The following MRTFA variants were observed in gnomAD, a reference collection of about 807,000 sequenced individuals.
The protein encoded by MRTFA is myocardin related transcription factor A.
Under a neutral mutation model 83.5 loss-of-function variants are expected in MRTFA, and 20 were observed. The observed-to-expected ratio is 0.24, with a 90% CI of 0.17 to 0.35. The LOEUF (loss-of-function observed/expected upper bound fraction) is 0.35. MRTFA is among the 10% of genes least tolerant of loss of function. MRTFA has a pLI of 1.00. For synonymous variants in MRTFA, 659 were observed against 541.2 expected, an observed-to-expected ratio of 1.22 and a Z score of -3.02; for missense variants, 1,200 against 1,224.7, an observed-to-expected ratio of 0.98 and a Z score of 0.30.
chr22:40,486,481 G>A (rs894158029), intron 3 of MRTFA, among the ~76,000 whole-genome samples: 8 of 152,116 alleles, frequency 5.3e-5, no homozygotes, highest in Admixed American at 3.3e-4. Flanking sequence ...TGAATAGCTT[G>A]CTTCTTTTCT....
intron 4 of MRTFA, among the ~76,000 whole-genome samples, chr22:40,452,839 C>G (rs1406438387): frequency 6.6e-6 from 1 of 150,768 alleles, no homozygotes. Context: ...ATGACGACTA[C>G]TTTTTATGGC....
chr22:40,412,004 T>TG, intron 14 of MRTFA, 97 bp from the exon 15 acceptor site: 1 of 1,081,116 alleles, frequency 9.2e-7, no homozygotes, highest in African/African-American at 1.6e-5. Context: ...TCACACCATT[T>TG]ACAAAAATAA....
At chr22:40,588,880 G>A (rs1011670455) in intron 2 of MRTFA, among the ~76,000 whole-genome samples, 19 of 152,280 alleles carry the variant, frequency 1.2e-4, no homozygotes, top group Middle Eastern at 6.8e-3. Context: ...TACCGAGGAG[G>A]CTGAGGCAGG....
chr22:40,480,001 C>CA (rs1298282699), intron 3 of MRTFA, among the ~76,000 whole-genome samples: 1 of 152,074 alleles, frequency 6.6e-6, no homozygotes, highest in African/African-American at 2.4e-5. Context: ...TTAAAATATG[C>CA]AAGTGAAAGG....
At position 40,421,031 on chromosome 22, in the gene MRTFA, C is replaced by G. The variant is rs1290972534; in HGVS notation, c.997G>C (p.Val333Leu). The change falls in exon 10 of 15, where the codon GTG (valine) becomes CTG (leucine). Residue 333 changes from valine (V) to leucine (L), a missense_variant. Val to Leu is a conservative substitution (Grantham distance 32). Transcript: ENST00000355630. ...TACTGGTGGTACTTGAGCTTCTTCA[C>G]CTTTGGCTTCAGCTCCTTGGCCTTC... 6.3e-7 allele frequency: 1 copy of G among 1,582,288 alleles called. No individual in the cohort carries two copies. The highest frequency in any genetic ancestry group is 1.3e-5 in the African/African-American group (1 of 74,294).
chr22:40,464,309 G>GAAAAAAAAAAAAAAAAAAAAAAAAAAA (rs398040500), intron 3 of MRTFA, among the ~76,000 whole-genome samples: 2 of 56,262 alleles, frequency 3.6e-5, no homozygotes, highest in Non-Finnish European at 6.1e-5. Context: ...GCTGTCTCAG[G>GAAAAAAAAAAAAAAAAAAAAAAAAAAA]AAAAAAAAAA....
chr22:40,592,664 G>T (rs1274846229), intron 2 of MRTFA, among the ~76,000 whole-genome samples: 1 of 151,392 alleles, frequency 6.6e-6, no homozygotes, highest in Non-Finnish European at 1.5e-5. Flanking sequence ...AATTTTTTTT[G>T]GTGTTTTTTG....
intron 1 of MRTFA, among the ~76,000 whole-genome samples, chr22:40,606,572 T>G (rs988375174): frequency 6.6e-6 from 1 of 152,218 alleles, no homozygotes; most frequent in Non-Finnish European, 1.5e-5. Flanking sequence ...GACAAATGTT[T>G]AAACAAAGAT....
chr22:40,527,000 G>A (rs747125122), intron 3 of MRTFA, among the ~76,000 whole-genome samples: 1 of 151,768 alleles, frequency 6.6e-6, no homozygotes. Flanking sequence ...AGCGGTACAC[G>A]CCTGTGGTCC....
At chr22:40,496,491 A>G (rs937038684) in intron 3 of MRTFA, among the ~76,000 whole-genome samples, 1 of 150,186 alleles carries the variant, frequency 6.7e-6, no homozygotes, top group African/African-American at 2.5e-5. Flanking sequence ...CTGTCTTTAT[A>G]ATAAGCCAAA....
intron 2 of MRTFA, among the ~76,000 whole-genome samples, chr22:40,592,075 T>G (rs1400405786): frequency 6.6e-6 from 1 of 152,000 alleles, no homozygotes; most frequent in Non-Finnish European, 1.5e-5. Flanking sequence ...GTATCTCCCA[T>G]GAGAGAAGAA....
Position 40,411,487 on chromosome 22 carries a change from A to G in MRTFA, c.2999T>C (p.Leu1000Pro). ...TGTGGTGCTGAGGGGGGCTAGGCTC[A>G]GCACGGGACCACCTGACGACAGCTC... Residue 1000 changes from leucine (L) to proline (P), a missense_variant, in exon 15 of 15, where the codon CTG becomes CCG. By Grantham distance (98) the Leu-to-Pro change is moderately conservative. Around this residue, in one of 2 missense-constraint regions of MRTFA, gnomAD observed 1,107 missense variants for 1,041.8 expected, o/e 1.06. Coordinates refer to ENST00000355630, the MANE Select transcript of MRTFA (RefSeq NM_020831.6). The G allele has an allele frequency of 6.2e-7, 1 of 1,610,042 alleles. No homozygotes were observed. The highest frequency in any genetic ancestry group is 2.2e-5 in the East Asian group (1 of 44,720).
At chr22:40,551,907 T>C (rs1441352800) in intron 3 of MRTFA, among the ~76,000 whole-genome samples, 199 bp downstream of exon 3, 2 of 152,074 alleles carry the variant, frequency 1.3e-5, no homozygotes, top group Non-Finnish European at 2.9e-5. Context: ...GCAGAGAAAT[T>C]AGAAAGAAAT....
At chr22:40,455,803 AGTATGTAT>A (rs3044520) in intron 4 of MRTFA, among the ~76,000 whole-genome samples, 7,735 of 143,266 alleles carry the variant, frequency 0.054, 668 homozygotes, top group Admixed American at 0.26. Context: ...ATGGTATCCC[AGTATGTAT>A]GTATGTATGT....
At chr22:40,614,775 C>T (rs1437424158) in intron 1 of MRTFA, among the ~76,000 whole-genome samples, 3 of 152,188 alleles carry the variant, frequency 2.0e-5, no homozygotes, top group East Asian at 3.8e-4. Context: ...GCATGAGCTG[C>T]AGCGCCTGGC....
intron 2 of MRTFA, among the ~76,000 whole-genome samples, chr22:40,557,566 T>C (rs1602425529): frequency 6.6e-6 from 1 of 151,626 alleles, no homozygotes; most frequent in Admixed American, 6.6e-5. Context: ...AGCCCAGGAG[T>C]TCCAGATCAG....
Position 40,420,937 on chromosome 22 carries a change from T to C in MRTFA, c.1091A>G (p.Gln364Arg). 2 of 1,614,174 alleles carry C rather than the reference T, an allele frequency of 1.2e-6. No individual in the cohort carries two copies. The highest frequency in any genetic ancestry group is 1.7e-6 in the Non-Finnish European group (2 of 1,180,004). The stretch of plus-strand genomic sequence containing the variant: ...CAGCTGGAGGAAGAGCTGCTGCTGC[T>C]GCAGGATCTTGGCGTAGGATGAGTC... The change falls in exon 10 of 15, where the codon CAG becomes CGG. Residue 364 changes from glutamine (Q) to arginine (R), a missense_variant. By Grantham distance (43) the Gln-to-Arg change is conservative. Transcript: ENST00000355630.
At chr22:40,458,491 TGAAGG>T (rs1369580724) in intron 4 of MRTFA, among the ~76,000 whole-genome samples, 1 of 152,016 alleles carries the variant, frequency 6.6e-6, no homozygotes, top group African/African-American at 2.4e-5. Flanking sequence ...AGAACAACCC[TGAAGG>T]GAAGGGAACC....
chr22:40,540,934 A>G (rs2055279414), intron 3 of MRTFA, among the ~76,000 whole-genome samples: 1 of 152,110 alleles, frequency 6.6e-6, no homozygotes, highest in Non-Finnish European at 1.5e-5. Context: ...TGGCATAGGA[A>G]AAGTTCATAA....
Sources: gnomAD v4.1 joint callset for allele counts (sites outside exome capture counted in the v4.1 genomes callset) on GRCh38, gnomAD v4.1.1 for gene constraint, gnomAD v4.1.1 regional missense constraint, MANE v1.5 for transcripts, NCBI Gene and HGNC (gene_info 2026-07-23, HGNC 2026-07-21) for gene names.